FBXL13: variants seen among roughly 807,000 people sequenced by gnomAD.
The protein encoded by FBXL13 is F-box and leucine rich repeat protein 13, also known as F-box and leucine-rich repeat protein 13.
A neutral mutation model predicts 83.6 loss-of-function variants in FBXL13; 67 were observed. That is an observed-to-expected ratio of 0.80 (90% CI 0.66 to 0.98). The LOEUF is 0.98. Ranked by LOEUF, FBXL13 falls within the 50% of genes least tolerant of loss-of-function variation. The pLI is 0.00. For missense variants in FBXL13, 822 were observed against 866.5 expected (o/e 0.95, Z 0.64); for synonymous variants, 272 against 299.5 (o/e 0.91, Z 0.95).
intron 17 of FBXL13, among the ~76,000 whole-genome samples, chr7:102,845,007 A>C (rs965386293): frequency 2.6e-5 from 4 of 152,340 alleles, no homozygotes; most frequent in African/African-American, 7.2e-5. Flanking sequence ...CTGTCCCCAC[A>C]GAGTTGGAGT....
intron 6 of FBXL13, among the ~76,000 whole-genome samples, chr7:102,968,828 A>T (rs1285956921): frequency 6.6e-6 from 1 of 152,178 alleles, no homozygotes; most frequent in African/African-American, 2.4e-5. Context: ...ATGGGTTCAG[A>T]TTTTACTGGC....
chr7:102,934,451 A>T (rs1355337269), intron 8 of FBXL13: 2 of 1,614,232 alleles, frequency 1.2e-6, no homozygotes, highest in South Asian at 1.1e-5. Context: ...AATGTTGCAG[A>T]TTCCCAGGAA....
intron 10 of FBXL13, among the ~76,000 whole-genome samples, chr7:102,914,218 G>A (rs567226017): frequency 6.6e-5 from 10 of 152,180 alleles, no homozygotes; most frequent in East Asian, 1.9e-4. Flanking sequence ...GATTACAGGC[G>A]CGTGCCAACA....
chr7:102,910,551 C>G (rs912863186), intron 11 of FBXL13, among the ~76,000 whole-genome samples: 2 of 151,852 alleles, frequency 1.3e-5, no homozygotes, highest in African/African-American at 4.8e-5. Flanking sequence ...ATAGCCTATG[C>G]CCTGCTGGAT....
chr7:102,879,704 T>C (rs1809760414), intron 14 of FBXL13, among the ~76,000 whole-genome samples: 3 of 152,028 alleles, frequency 2.0e-5, no homozygotes, highest in African/African-American at 4.8e-5. Context: ...GTTTTTTTTG[T>C]ATGTTTGTTT....
chr7:102,977,135 T>C (rs1488569501), intron 6 of FBXL13, among the ~76,000 whole-genome samples: 1 of 152,122 alleles, frequency 6.6e-6, no homozygotes, highest in African/African-American at 2.4e-5. Flanking sequence ...GCCCCTGCAA[T>C]GGATCATCGA....
intron 11 of FBXL13, among the ~76,000 whole-genome samples, chr7:102,890,142 C>T (rs1314084596): frequency 6.6e-6 from 1 of 152,198 alleles, no homozygotes; most frequent in African/African-American, 2.4e-5. Flanking sequence ...CTCCCAGAAT[C>T]TTTTAGGCCA....
chr7:103,051,146 T>C (rs1174075499), intron 2 of FBXL13, among the ~76,000 whole-genome samples: 1 of 152,176 alleles, frequency 6.6e-6, no homozygotes, highest in African/African-American at 2.4e-5. Context: ...CAGGGTCTCT[T>C]GATTAACTGA....
chr7:102,862,268 G>A (rs1450476720), intron 16 of FBXL13, among the ~76,000 whole-genome samples: 1 of 150,652 alleles, frequency 6.6e-6, no homozygotes, highest in Non-Finnish European at 1.5e-5. Context: ...GGCGGAGGTT[G>A]CAGTGAGCTG....
chr7:102,825,262 A>G (rs578061683), intron 18 of FBXL13, among the ~76,000 whole-genome samples: 133 of 152,286 alleles, frequency 8.7e-4, no homozygotes, highest in Middle Eastern at 3.4e-3. Flanking sequence ...GGGGCCCTTA[A>G]GAGGTAATCG....
chr7:102,957,644 G>C (rs1824499980), intron 8 of FBXL13, among the ~76,000 whole-genome samples: 1 of 151,942 alleles, frequency 6.6e-6, no homozygotes, highest in Admixed American at 6.6e-5. Context: ...ATCTGACAAA[G>C]GGCTAATATA....
exon 14 of FBXL13, chr7:102,883,453 T>C (rs150360239): frequency 2.5e-6 from 4 of 1,609,610 alleles, no homozygotes; most frequent in African/African-American, 1.3e-5. Context: ...GATGCATCAG[T>C]AACCCTTTTA....
intron 7 of FBXL13, among the ~76,000 whole-genome samples, chr7:102,967,646 C>G (rs1826130357): frequency 1.3e-5 from 2 of 152,172 alleles, no homozygotes; most frequent in South Asian, 4.1e-4. Flanking sequence ...ACACCTCACA[C>G]CCTAAACATC....
intron 1 of FBXL13, among the ~76,000 whole-genome samples, chr7:103,068,942 G>T (rs555724141): frequency 4.6e-5 from 7 of 152,356 alleles, no homozygotes; most frequent in African/African-American, 1.4e-4. Flanking sequence ...TTAAAGTTGA[G>T]GGCCCACGGC....
chr7:102,848,555 CAAAAAAAAAAAAAAAAAAAAAAAAAA>C (rs59060531), intron 17 of FBXL13, among the ~76,000 whole-genome samples: 19 of 1,818 alleles, frequency 0.01, no homozygotes, highest in Admixed American at 0.03. Context: ...GACTCCGTCT[CAAAAAAAAAAAAAAAAAAAAAAAAAA>C]AAAAAAAAAA....
chr7:102,931,573 A>G (rs1189065937), intron 9 of FBXL13, among the ~76,000 whole-genome samples: 1 of 152,172 alleles, frequency 6.6e-6, no homozygotes, highest in East Asian at 1.9e-4. Context: ...AAATGAGCCT[A>G]TCATGTCTAC....
chr7:102,926,204 A>G, intron 10 of FBXL13, 70 bp downstream of exon 11: 1 of 1,324,854 alleles, frequency 7.5e-7, no homozygotes, highest in Non-Finnish European at 1.1e-6. Context: ...CCCTTGCAGA[A>G]TGCTAGAGCA....
intron 2 of FBXL13, among the ~76,000 whole-genome samples, chr7:103,054,103 T>C (rs1797098037): frequency 6.6e-6 from 1 of 151,812 alleles, no homozygotes; most frequent in African/African-American, 2.4e-5. Context: ...AATCAAGAGA[T>C]ATCATGCACG....
At chr7:102,942,933 T>A (rs1235978107) in intron 8 of FBXL13, among the ~76,000 whole-genome samples, 1 of 152,190 alleles carries the variant, frequency 6.6e-6, no homozygotes, top group Middle Eastern at 3.2e-3. Context: ...CTGGTCCATA[T>A]CAACTGGAAT....
Sources: gnomAD v4.1 joint callset for allele counts (sites outside exome capture counted in the v4.1 genomes callset) on GRCh38, gnomAD v4.1.1 for gene constraint, MANE v1.5 for transcripts, NCBI Gene and HGNC (gene_info 2026-07-23, HGNC 2026-07-21) for gene names.